The following FARP1 variants were observed in gnomAD, a reference collection of about 807,000 sequenced individuals.
FARP1 encodes the protein FERM, ARH/RhoGEF and pleckstrin domain protein 1.
FARP1 carries 52 observed loss-of-function variants against 128.8 expected under a neutral mutation model. The ratio of observed to expected loss-of-function variants is 0.40; its 90% CI spans 0.32 to 0.51. The LOEUF (loss-of-function observed/expected upper bound fraction) is 0.51, where lower values mean the gene tolerates loss of function less well. FARP1 is among the 20% of genes least tolerant of loss of function. The pLI, the probability that FARP1 is intolerant of heterozygous loss-of-function variation, is 0.45. For synonymous variants in FARP1, 580 were observed against 551.8 expected (o/e 1.05, Z -0.72); for missense variants, 1,333 against 1,367.9 (o/e 0.97, Z 0.40).
chr13:98,400,100 C>T (rs574229477), intron 13 of FARP1: 1 of 152,272 alleles, frequency 6.6e-6, no homozygotes, highest in African/African-American at 2.4e-5. Flanking sequence ...TGCCATGTGG[C>T]CTGCACTTAA....
chr13:98,398,046 T>C (rs1418291570), intron 13 of FARP1: 1 of 152,128 alleles, frequency 6.6e-6, no homozygotes, highest in Admixed American at 6.5e-5. Context: ...CGCGACCCGA[T>C]CACAAGGGAA....
intron 2 of FARP1, among the ~76,000 whole-genome samples, chr13:98,277,368 TTTG>T (rs368731601): frequency 6.0e-4 from 92 of 152,258 alleles, no homozygotes; most frequent in African/African-American, 2.1e-3. Flanking sequence ...AGGATCTTGC[TTTG>T]TTGCCCAGGT....
Position 98,378,512 on chromosome 13 carries a change from T to A in FARP1, c.496+594T>A, listed in dbSNP as rs115355506. On this transcript the variant is annotated intron_variant, in intron 6 of 26. Coordinates refer to ENST00000319562, the MANE Select transcript of FARP1 (RefSeq NM_005766.4). ...GGCAGAAATTACTTGAAATAAAATA[T>A]ACACATTATGTTTCAGAAAGGTAAT... 5.6e-3 allele frequency among the ~76,000 whole-genome samples: 846 copies of A among 152,298 alleles called. 8 individuals are homozygous for A. Among genetic ancestry groups the A allele is most frequent in the African/African-American group, 0.019 (798 of 41,568 alleles).
intron 2 of FARP1, among the ~76,000 whole-genome samples, chr13:98,275,190 T>G (rs1212255032): frequency 6.6e-6 from 1 of 152,158 alleles, no homozygotes; most frequent in Non-Finnish European, 1.5e-5. Flanking sequence ...ACTTAAACTC[T>G]AATGTTACAG....
chr13:98,268,255 T>A (rs1440609475), intron 2 of FARP1, among the ~76,000 whole-genome samples: 1 of 152,116 alleles, frequency 6.6e-6, no homozygotes, highest in East Asian at 1.9e-4. Context: ...AGCAGCAGAG[T>A]CAAGACCAAG....
chr13:98,374,140 T>C (rs1484060052), intron 5 of FARP1, among the ~76,000 whole-genome samples: 1 of 152,182 alleles, frequency 6.6e-6, no homozygotes, highest in African/African-American at 2.4e-5. Context: ...TAAAATAAGG[T>C]TGGCTAGGCA....
At chr13:98,306,289 C>T (rs756163088) in intron 2 of FARP1, among the ~76,000 whole-genome samples, 9 of 152,160 alleles carry the variant, frequency 5.9e-5, no homozygotes, top group Admixed American at 1.3e-4. Flanking sequence ...GAGAAATTGC[C>T]TGACCCACTC....
chr13:98,389,904 G>A (rs9582224), intron 9 of FARP1, 53 bp from the exon 10 acceptor site: 180,452 of 1,551,770 alleles, frequency 0.12, 11,426 homozygotes, highest in South Asian at 0.17. Context: ...TCCTATTTCA[G>A]TGGTGTATCT....
At chr13:98,209,169 C>T (rs76858260) in intron 1 of FARP1, among the ~76,000 whole-genome samples, 3 of 152,038 alleles carry the variant, frequency 2.0e-5, no homozygotes, top group Non-Finnish European at 4.4e-5. Flanking sequence ...CCACCATGCC[C>T]GGCTAATTTT....
intron 2 of FARP1, among the ~76,000 whole-genome samples, chr13:98,310,602 A>T (rs868274519): frequency 6.6e-6 from 1 of 152,202 alleles, no homozygotes; most frequent in Non-Finnish European, 1.5e-5. Context: ...TATCAGTTAC[A>T]AGTGTGAACA....
At chr13:98,232,391 A>T (rs769221171) in intron 2 of FARP1, among the ~76,000 whole-genome samples, 3 of 152,234 alleles carry the variant, frequency 2.0e-5, no homozygotes, top group African/African-American at 4.8e-5. Context: ...TGCCTAGTTA[A>T]TAATGTATGC....
intron 16 of FARP1, among the ~76,000 whole-genome samples, chr13:98,417,466 A>G (rs1472553092): frequency 7.5e-6 from 1 of 133,304 alleles, no homozygotes; most frequent in Non-Finnish European, 1.5e-5. Flanking sequence ...AAAAAAAAAA[A>G]AAAAAAAAAA....
chr13:98,265,618 C>A (rs1253732527), intron 2 of FARP1, among the ~76,000 whole-genome samples: 1 of 152,106 alleles, frequency 6.6e-6, no homozygotes, highest in Non-Finnish European at 1.5e-5. Flanking sequence ...CGCGCCCAGC[C>A]CTTCCTGAAT....
chr13:98,355,483 C>T (rs1342019702), intron 3 of FARP1, among the ~76,000 whole-genome samples: 2 of 152,156 alleles, frequency 1.3e-5, no homozygotes, highest in African/African-American at 2.4e-5. Flanking sequence ...GACCAACAAG[C>T]AGCATCCACA....
At chr13:98,163,254 TG>T (rs1877011353) in intron 1 of FARP1, among the ~76,000 whole-genome samples, 2 of 151,902 alleles carry the variant, frequency 1.3e-5, no homozygotes, top group South Asian at 2.1e-4. Flanking sequence ...CACTTATAAG[TG>T]GGCGCTAAAT....
intron 2 of FARP1, among the ~76,000 whole-genome samples, chr13:98,296,268 G>C (rs685635): frequency 0.9 from 136,782 of 152,142 alleles, 61,606 homozygotes; most frequent in East Asian, 1. Context: ...CAGCCTCACC[G>C]CCATCATTCC....
chr13:98,256,056 C>T (rs1883571878), intron 2 of FARP1, among the ~76,000 whole-genome samples: 1 of 152,158 alleles, frequency 6.6e-6, no homozygotes, highest in Non-Finnish European at 1.5e-5. Flanking sequence ...CAGCTTTGTT[C>T]CAGCAGGTTC....
At chr13:98,365,488 G>C in intron 4 of FARP1, 51 bp downstream of exon 4, 1 of 1,327,348 alleles carries the variant, frequency 7.5e-7, no homozygotes, top group South Asian at 1.2e-5. Flanking sequence ...AAGCCAGACA[G>C]TTTCATGTCT....
rs1421212831 is a variant in FARP1, at chr13:98,153,300, A to ATAT, written c.-24+9810_-24+9812dup. Among the ~76,000 whole-genome samples the ATAT allele has an allele frequency of 1.1e-4, 6 of 55,904 alleles. No homozygotes were observed. The Admixed American group carries it at 1.6e-3, about 15-fold the overall frequency. 36.7% of individuals were successfully genotyped at this position (55,904 alleles called of 152,430 possible). ...ATATATATATAAAATATATATAAAT[A>ATAT]TATTTATATATAAAATATATAAATA... On this transcript the variant is annotated intron_variant, in intron 1 of 26. Transcript: ENST00000319562.
Sources: allele counts gnomAD v4.1 joint callset (sites outside exome capture counted in the v4.1 genomes callset), GRCh38; gene constraint gnomAD v4.1.1; transcripts MANE v1.5; gene names NCBI Gene and HGNC (gene_info 2026-07-23, HGNC 2026-07-21).